Variants in BRWD3 observed in about 807,000 individuals in gnomAD.
BRWD3 encodes the protein bromodomain and WD repeat-containing protein 3.
BRWD3 carries 10 observed loss-of-function variants against 149.7 expected under a neutral mutation model. The observed-to-expected ratio is 0.07, with a 90% CI of 0.04 to 0.11. The LOEUF (loss-of-function observed/expected upper bound fraction) is 0.11, where lower values mean the gene tolerates loss of function less well. BRWD3 is among the 10% of genes least tolerant of loss of function. BRWD3 has a pLI of 1.00. For missense variants in BRWD3, 940 were observed against 1,373.2 expected, an observed-to-expected ratio of 0.68 and a Z score of 4.99; for synonymous variants, 504 against 456.7, an observed-to-expected ratio of 1.10 and a Z score of -1.32.
chrX:80,807,766 T>A (rs60751934), intron 4 of BRWD3, among the ~76,000 whole-genome samples: 15,446 of 111,276 alleles, frequency 0.14, 1,373 homozygotes, highest in East Asian at 0.56. Flanking sequence ...TTTTTAAATA[T>A]GTCCATTGTT....
rs1013826438 is a variant in BRWD3 at position 80,675,709 on chromosome X, G to C, written c.*900C>G. ...AGAGGTAGCTGAGCTACTGTTCAAA[G>C]AAGTTGTTCTTTGTGGATGAGGATT... is the stretch of plus-strand genomic sequence containing the variant. On this transcript the variant is annotated 3_prime_UTR_variant, in exon 41 of 41. Coordinates refer to ENST00000373275, the MANE Select transcript of BRWD3 (RefSeq NM_153252.5). 16 of 111,685 alleles carry C rather than the reference G, an allele frequency of 1.4e-4. No individual in the cohort carries two copies. The highest frequency in any genetic ancestry group is 2.6e-4 in the Non-Finnish European group (14 of 53,095). 9.2% of individuals were successfully genotyped at this position (111,685 alleles called of 1,213,427 possible).
chrX:80,673,660 C>T lies in BRWD3; in HGVS notation c.*2949G>A, dbSNP rs1386026341. 9.0e-6 allele frequency: 1 copy of T among 111,561 alleles called. No homozygotes were observed. The highest frequency in any genetic ancestry group is 3.2e-5 in the African/African-American group (1 of 30,771). The allele number at this position is 111,561 out of a possible 1,213,427, so 9.2% of individuals were successfully genotyped here. Reference sequence around the variant, plus strand: ...TTCAGATTTTATAAATATATACACACACTAAGATCTTAAAGCTGGGAATTT... The same window carrying T: ...TTCAGATTTTATAAATATATACACATACTAAGATCTTAAAGCTGGGAATTT... On this transcript the variant is annotated 3_prime_UTR_variant, in exon 41 of 41. Coordinates refer to ENST00000373275, the MANE Select transcript of BRWD3 (RefSeq NM_153252.5).
At chrX:80,801,448 C>A (rs1470720004) in intron 4 of BRWD3, among the ~76,000 whole-genome samples, 1 of 106,616 alleles carries the variant, frequency 9.4e-6, no homozygotes, top group African/African-American at 3.4e-5. Flanking sequence ...GAACTCCTGA[C>A]CTCATGATCC....
At position 80,802,536 on chromosome X, in the gene BRWD3, T is replaced by C. The variant is rs769018623; in HGVS notation, c.180+6003A>G. ...GAAAATATAACATCTGGGGTCATAG[T>C]TCTCCAGATTTCCATGCTGGCTATT... is the stretch of plus-strand genomic sequence containing the variant. On this transcript the variant is annotated intron_variant, in intron 4 of 40. Transcript: ENST00000373275. 2.7e-5 allele frequency among the ~76,000 whole-genome samples: 3 copies of C among 109,657 alleles called. No individual in the cohort carries two copies. The South Asian group carries it at 1.2e-3, about 43-fold the overall frequency.
chrX:80,706,961 T>A (rs2072875746), intron 22 of BRWD3, among the ~76,000 whole-genome samples: 1 of 112,966 alleles, frequency 8.9e-6, no homozygotes, highest in East Asian at 2.8e-4. Context: ...TACTATATAC[T>A]GTACATAATT....
intron 14 of BRWD3, among the ~76,000 whole-genome samples, chrX:80,726,084 ATAACAACATGTTTACATGTTATG>A (rs2073232450): frequency 9.4e-6 from 1 of 106,677 alleles, no homozygotes; most frequent in African/African-American, 3.4e-5. Flanking sequence ...TGTTGTCTGT[ATAACAACATGTTTACATGTTATG>A]TGTCTGTATA....
rs189010290 is a variant in BRWD3, at chrX:80,768,249, G to A, written c.431-22520C>T. Among the ~76,000 whole-genome samples, 4 of 110,794 alleles carry A rather than the reference G, an allele frequency of 3.6e-5. No individual in the cohort carries two copies. The East Asian group carries it at 1.1e-3, about 32-fold the overall frequency. On this transcript the variant is annotated intron_variant, in intron 6 of 40. Transcript: ENST00000373275. ...AGAGACCACCACAAAGATACTCCTT[G>A]AGAAAATCAACCCCAAGACACATAA...
At chrX:80,692,260 A>T in intron 28 of BRWD3, 110 bp from the exon 29 acceptor site, 1 of 672,644 alleles carries the variant, frequency 1.5e-6, no homozygotes, top group Non-Finnish European at 2.4e-6. Context: ...AAAGGGCAAT[A>T]CAGTTGTCTT....
At chrX:80,752,871 G>T (rs1336070875) in intron 6 of BRWD3, among the ~76,000 whole-genome samples, 1 of 111,132 alleles carries the variant, frequency 9.0e-6, no homozygotes, top group Non-Finnish European at 1.9e-5. Flanking sequence ...TGTCATATTG[G>T]CCAGGCTGGT....
chrX:80,713,618 C>G (rs2073028716), intron 20 of BRWD3, among the ~76,000 whole-genome samples: 2 of 110,062 alleles, frequency 1.8e-5, no homozygotes, highest in Admixed American at 9.6e-5. Flanking sequence ...TATCTGCTGA[C>G]CTTCCCTCCA....
chrX:80,788,434 A>G (rs1177420536), intron 6 of BRWD3, among the ~76,000 whole-genome samples: 1 of 112,017 alleles, frequency 8.9e-6, no homozygotes, highest in Non-Finnish European at 1.9e-5. Flanking sequence ...TTCACTAAAG[A>G]TCTACAGACT....
At chrX:80,732,946 T>G (rs2073352773) in intron 12 of BRWD3, among the ~76,000 whole-genome samples, 1 of 111,016 alleles carries the variant, frequency 9.0e-6, no homozygotes, top group Non-Finnish European at 1.9e-5. Context: ...AAGACCATCC[T>G]GGTGAAACAC....
rs745957626 is a variant in BRWD3 at position 80,781,464 on chromosome X, G to A, written c.430+10390C>T. ...CAGCTAGGCTTAGGGATTCTTAGTC[G>A]GCCTGGGAAATCCAGCTAGTCCTGT... On this transcript the variant is annotated intron_variant, in intron 6 of 40. Coordinates refer to ENST00000373275, the MANE Select transcript of BRWD3 (RefSeq NM_153252.5). Among the ~76,000 whole-genome samples, 8 of 111,026 alleles carry A rather than the reference G, an allele frequency of 7.2e-5. No individual in the cohort carries two copies. The South Asian group carries it at 1.9e-3, about 26-fold the overall frequency.
chrX:80,766,978 G>A (rs962033069), intron 6 of BRWD3, among the ~76,000 whole-genome samples: 2 of 112,320 alleles, frequency 1.8e-5, no homozygotes, highest in African/African-American at 6.5e-5. Flanking sequence ...CTGTCTCTGC[G>A]AATCCCAAGC....
At chrX:80,734,004 G>C in intron 11 of BRWD3, 114 bp downstream of exon 11, 2 of 565,696 alleles carry the variant, frequency 3.5e-6, no homozygotes, top group Non-Finnish European at 6.2e-6. Context: ...AGAGTAAAGT[G>C]TAAGCCAAAA....
rs2072330265 is a variant in BRWD3 at position 80,672,379 on chromosome X, T to TGAGG, written c.*4226_*4229dup. The TGAGG allele has an allele frequency of 1.4e-5, 1 of 70,174 alleles. No homozygotes were observed. Among genetic ancestry groups the TGAGG allele is most frequent in the Non-Finnish European group, 2.5e-5 (1 of 40,475 alleles). 5.8% of individuals were successfully genotyped at this position (70,174 alleles called of 1,213,427 possible). On this transcript the variant is annotated 3_prime_UTR_variant, in exon 41 of 41. Transcript: ENST00000373275. The stretch of plus-strand genomic sequence containing the variant: ...ATCCCAGCACTTTGGGAGGCCGAGG[T>TGAGG]GAGGAAGGAAGGAAGGAGGGAAGGA...
At chrX:80,682,759 TAACTA>T (rs2072471909) in intron 37 of BRWD3, 131 bp from the exon 38 acceptor site, 2 of 599,287 alleles carry the variant, frequency 3.3e-6, no homozygotes, top group Non-Finnish European at 5.0e-6. Context: ...TCTTCTCAAA[TAACTA>T]AAGTAAGATA....
In BRWD3 at chrX:80,809,511, G is replaced by A. The variant is rs1312765114; in HGVS notation, c.-40C>T. 4.3e-6 allele frequency: 4 copies of A among 940,872 alleles called. No individual in the cohort carries two copies. Among genetic ancestry groups the A allele is most frequent in the Non-Finnish European group, 5.9e-6 (4 of 683,081 alleles). 77.5% of individuals were successfully genotyped at this position (940,872 alleles called of 1,213,427 possible). On this transcript the variant is annotated 5_prime_UTR_variant, in exon 1 of 41. Coordinates refer to ENST00000373275, the MANE Select transcript of BRWD3 (RefSeq NM_153252.5). ...GGTTTGGGGGCTTCGCTCCGGAGGGGCTGGCGGGGGCGGGTGGGGGCGCTG... is the reference window on the plus strand; with the variant it reads ...GGTTTGGGGGCTTCGCTCCGGAGGGACTGGCGGGGGCGGGTGGGGGCGCTG...
At position 80,669,996 on chromosome X, in the gene BRWD3, A is replaced by G. The variant is rs2147659876; in HGVS notation, c.*6613T>C. Among the ~76,000 whole-genome samples, 1 of 111,027 alleles carries G rather than the reference A, an allele frequency of 9.0e-6. No individual in the cohort carries two copies. Among genetic ancestry groups the G allele is most frequent in the African/African-American group, 3.3e-5 (1 of 30,696 alleles). ...TTGTTAATTAATAACTGTTAAAACT[A>G]GATGTCTAGAATAATTAAAATTATA... On this transcript the variant is annotated 3_prime_UTR_variant, in exon 41 of 41. Transcript: ENST00000373275.
Sources: gnomAD v4.1 joint callset for allele counts (sites outside exome capture counted in the v4.1 genomes callset) on GRCh38, gnomAD v4.1.1 for gene constraint, MANE v1.5 for transcripts, NCBI Gene and HGNC (gene_info 2026-07-23, HGNC 2026-07-21) for gene names.